GRIK1: variants seen among roughly 807,000 people sequenced by gnomAD.
GRIK1 encodes glutamate receptor ionotropic, kainate 1.
A neutral mutation model predicts 105.7 loss-of-function variants in GRIK1; 69 were observed. That is an observed-to-expected ratio of 0.65 (90% confidence interval 0.54 to 0.80). The LOEUF (loss-of-function observed/expected upper bound fraction) is 0.80. GRIK1 is among the 30% of genes least tolerant of loss of function. The pLI is 0.00. For missense variants in GRIK1, 1,109 were observed against 1,167.3 expected, an observed-to-expected ratio of 0.95 and a Z score of 0.73; for synonymous variants, 438 against 431.3, an observed-to-expected ratio of 1.02 and a Z score of -0.19.
chr21:29,768,115 A>G (rs1244318772), intron 1 of GRIK1, among the ~76,000 whole-genome samples: 1 of 152,174 alleles, frequency 6.6e-6, no homozygotes, highest in African/African-American at 2.4e-5. Flanking sequence ...TTATACGGGA[A>G]AATGATTATC....
chr21:29,822,314 A>T (rs2067326921), intron 1 of GRIK1, among the ~76,000 whole-genome samples: 1 of 152,054 alleles, frequency 6.6e-6, no homozygotes, highest in Admixed American at 6.6e-5. Flanking sequence ...GGCTTATGGG[A>T]TGTAGTTTCC....
intron 2 of GRIK1, among the ~76,000 whole-genome samples, 165 bp downstream of exon 2, chr21:29,693,731 A>T (rs1477516652): frequency 6.6e-6 from 1 of 152,164 alleles, no homozygotes; most frequent in African/African-American, 2.4e-5. Flanking sequence ...AACGTCCATT[A>T]GGTTAGTTCA....
Position 29,581,455 on chromosome 21 carries a change from A to G in GRIK1, c.1882T>C (p.Trp628Arg). The change falls in exon 13 of 18, where the codon TGG becomes CGG. Residue 628 changes from tryptophan (W) to arginine (R), a missense_variant. By Grantham distance (101) the Trp-to-Arg change is moderately radical. This residue lies in a region of GRIK1 where 264 missense variants were observed against 306.9 expected (regional missense o/e 0.86). Transcript: ENST00000327783. ...ENNFTLLNSF[W>R]FGVGALMQQG... ...TGCATGAGAGCTCCAACTCCAAACC[A>G]GAAACTATTTAGTAAAGTAAAATTG... is the stretch of plus-strand genomic sequence containing the variant. 6.2e-7 allele frequency: 1 copy of G among 1,612,596 alleles called. No homozygotes were observed. Among genetic ancestry groups the G allele is most frequent in the Non-Finnish European group, 8.5e-7 (1 of 1,178,822 alleles).
rs559367506 is a variant in GRIK1, at chr21:29,568,475, AT to A, written c.2131-6627del. Among the ~76,000 whole-genome samples the A allele has an allele frequency of 8.7e-4, 132 of 152,320 alleles. 1 individual carries two copies. The Middle Eastern group carries it at 0.031, about 35-fold the overall frequency. On this transcript the variant is annotated intron_variant, in intron 14 of 17. Coordinates refer to ENST00000327783, the MANE Select transcript of GRIK1 (RefSeq NM_001330994.2). ...GGAAAGAGATGATAAAGGTTAGAGAATCCCTTGTTCCCACAGCTGGTCCAAA... is the reference window on the plus strand; with the variant it reads ...GGAAAGAGATGATAAAGGTTAGAGAACCCTTGTTCCCACAGCTGGTCCAAA...
At chr21:29,934,107 A>T (rs1290342268) in intron 1 of GRIK1, among the ~76,000 whole-genome samples, 1 of 152,218 alleles carries the variant, frequency 6.6e-6, no homozygotes, top group Admixed American at 6.5e-5. Flanking sequence ...CATCCCAGTT[A>T]ATTGTACACT....
chr21:29,916,547 A>C (rs925352201), intron 1 of GRIK1, among the ~76,000 whole-genome samples: 1 of 151,920 alleles, frequency 6.6e-6, no homozygotes, highest in African/African-American at 2.4e-5. Flanking sequence ...ATTTAACTGA[A>C]AGGGGCTTGG....
intron 1 of GRIK1, among the ~76,000 whole-genome samples, chr21:29,792,017 A>G (rs1055580861): frequency 6.6e-6 from 1 of 152,210 alleles, no homozygotes; most frequent in Non-Finnish European, 1.5e-5. Flanking sequence ...TTGATAAAAA[A>G]GTGGGTTTTA....
intron 1 of GRIK1, among the ~76,000 whole-genome samples, chr21:29,839,320 G>T (rs150976402): frequency 2.2e-4 from 33 of 152,152 alleles, no homozygotes; most frequent in South Asian, 4.1e-4. Context: ...AAAGTGCTGG[G>T]ATTACAGGCA....
rs536618276 is a variant in GRIK1 at position 29,636,001 on chromosome 21, G to A, written c.1098+6825C>T. ...TCAGAAATCTCCCAGGCCTACCAGG[G>A]ACACCATCTTAAACTGTCTGCTAAG... On this transcript the variant is annotated intron_variant, in intron 7 of 17. Transcript: ENST00000327783. Among the ~76,000 whole-genome samples, 10 of 152,252 alleles carry A rather than the reference G, an allele frequency of 6.6e-5. No homozygotes were observed. In the South Asian group the frequency reaches 2.1e-3, roughly 32 times the overall value.
At position 29,869,261 on chromosome 21, in the gene GRIK1, C is replaced by G. The variant is rs188813924; in HGVS notation, c.118+70122G>C. Among the ~76,000 whole-genome samples the G allele has an allele frequency of 2.6e-5, 4 of 152,292 alleles. No individual in the cohort carries two copies. The East Asian group carries it at 5.8e-4, about 22-fold the overall frequency. On this transcript the variant is annotated intron_variant, in intron 1 of 17. Coordinates refer to ENST00000327783, the MANE Select transcript of GRIK1 (RefSeq NM_001330994.2). ...TTTTTATGGAGCATATATTTCTACC[C>G]TGGTACTTGCCAAGGCAGTCCTGGA...
chr21:29,598,648 ATTT>A, intron 8 of GRIK1, 179 bp downstream of exon 8: 1 of 503,614 alleles, frequency 2.0e-6, no homozygotes. Context: ...AAGACATGAA[ATTT>A]AAGAATCTAG....
chr21:29,702,103 T>G (rs543236775), intron 1 of GRIK1, among the ~76,000 whole-genome samples: 1 of 152,120 alleles, frequency 6.6e-6, no homozygotes, highest in South Asian at 2.1e-4. Flanking sequence ...TGGGAACACA[T>G]GGACACATAG....
At chr21:29,831,407 G>A (rs1189481837) in intron 1 of GRIK1, among the ~76,000 whole-genome samples, 3 of 151,992 alleles carry the variant, frequency 2.0e-5, no homozygotes, top group African/African-American at 2.4e-5. Flanking sequence ...CCCTGTATTC[G>A]TCCATTCTCA....
intron 1 of GRIK1, among the ~76,000 whole-genome samples, chr21:29,931,851 T>C (rs2832492): frequency 0.68 from 103,791 of 151,838 alleles, 35,694 homozygotes; most frequent in East Asian, 0.83. Context: ...CTTAAGATTG[T>C]CTGTGCTCTT....
At chr21:29,766,306 G>A (rs1376268002) in intron 1 of GRIK1, among the ~76,000 whole-genome samples, 2 of 152,116 alleles carry the variant, frequency 1.3e-5, no homozygotes, top group East Asian at 3.8e-4. Context: ...GCTACATTTT[G>A]GCATTATCTG....
Position 29,939,713 on chromosome 21 carries a change from G to C in GRIK1, c.-213C>G, listed in dbSNP as rs1346490562. 9.0e-6 allele frequency: 4 copies of C among 446,560 alleles called. No individual in the cohort carries two copies. The East Asian group carries it at 1.5e-4, about 17-fold the overall frequency. The allele number at this position is 446,560 out of a possible 1,614,324, so 27.7% of individuals were successfully genotyped here. ...TCTCTCGGGGCTCCTCAGTGCTGTC[G>C]CTAGCCCATCACGGCTCCTCCTCCT... On this transcript the variant is annotated 5_prime_UTR_variant, in exon 1 of 18. Coordinates refer to ENST00000327783, the MANE Select transcript of GRIK1 (RefSeq NM_001330994.2).
In GRIK1 at chr21:29,598,646, A is replaced by C. The variant is rs73348600; in HGVS notation, c.1206+184T>G. 2,439 of 501,758 alleles carry C rather than the reference A, an allele frequency of 4.9e-3. 48 individuals carry two copies. Among genetic ancestry groups the C allele is most frequent in the African/African-American group, 0.043 (2,191 of 51,190 alleles). The allele number at this position is 501,758 out of a possible 1,614,324, so 31.1% of individuals were successfully genotyped here. ...TTAGTACTGCTATTACTAAGACATGAAATTTAAGAATCTAGCACATCAACT... is the reference window on the plus strand; with the variant it reads ...TTAGTACTGCTATTACTAAGACATGCAATTTAAGAATCTAGCACATCAACT... On this transcript the variant is annotated intron_variant, in intron 8 of 17. Coordinates refer to ENST00000327783, the MANE Select transcript of GRIK1 (RefSeq NM_001330994.2).
At chr21:29,828,639 C>T (rs2067542701) in intron 1 of GRIK1, among the ~76,000 whole-genome samples, 1 of 152,012 alleles carries the variant, frequency 6.6e-6, no homozygotes. Context: ...GTAGCAGGGA[C>T]TGTAGCTGCA....
intron 13 of GRIK1, among the ~76,000 whole-genome samples, chr21:29,577,661 A>G (rs1252153732): frequency 1.3e-5 from 2 of 152,238 alleles, no homozygotes; most frequent in Admixed American, 6.5e-5. Flanking sequence ...CTTTAATAAA[A>G]CATTGGGATT....
Sources: allele counts gnomAD v4.1 joint callset (sites outside exome capture counted in the v4.1 genomes callset), GRCh38; gene constraint gnomAD v4.1.1; regional missense constraint gnomAD v4.1.1; transcripts MANE v1.5; gene names NCBI Gene and HGNC (gene_info 2026-07-23, HGNC 2026-07-21).